The following NOL4 variants were observed in gnomAD, a reference collection of about 807,000 sequenced individuals.
NOL4 encodes cancer/testis antigen 125.
In NOL4, 17 loss-of-function variants were observed where a neutral mutation model predicts 75.9. The observed-to-expected ratio is 0.22, with a 90% confidence interval of 0.15 to 0.34. NOL4 has a LOEUF of 0.34. Among genes scored for constraint, NOL4 ranks in the 10% least tolerant of loss-of-function variants. The pLI is 1.00. For synonymous variants in NOL4, 292 were observed against 289.9 expected (o/e 1.01, Z -0.07); for missense variants, 614 against 793.5 (o/e 0.77, Z 2.72).
At chr18:34,098,724 T>C (rs540287649) in intron 4 of NOL4, among the ~76,000 whole-genome samples, 1 of 152,260 alleles carries the variant, frequency 6.6e-6, no homozygotes, top group South Asian at 2.1e-4. Flanking sequence ...AACAAATAGT[T>C]AATACTAATT....
chr18:34,014,935 C>T (rs896802010), intron 6 of NOL4, among the ~76,000 whole-genome samples: 1 of 151,932 alleles, frequency 6.6e-6, no homozygotes, highest in African/African-American at 2.4e-5. Context: ...ATTTTATTCA[C>T]AATAAAATTG....
Position 34,135,474 on chromosome 18 carries a change from G to A in NOL4, c.265-5454C>T, listed in dbSNP as rs138641607. Among the ~76,000 whole-genome samples the A allele has an allele frequency of 4.7e-3, 710 of 152,030 alleles. 5 individuals are homozygous for A. The highest frequency in any genetic ancestry group is 7.6e-3 in the Non-Finnish European group (519 of 67,976). On this transcript the variant is annotated intron_variant, in intron 1 of 10. Coordinates refer to ENST00000261592, the MANE Select transcript of NOL4 (RefSeq NM_003787.5). ...TGCTCTTTGGAGGCTGAGACGGGTG[G>A]ATCACGAGGTCAGAAGATCGAGATC...
chr18:33,940,969 T>G (rs1421308649), intron 9 of NOL4, among the ~76,000 whole-genome samples: 2 of 151,922 alleles, frequency 1.3e-5, no homozygotes, highest in Admixed American at 1.3e-4. Flanking sequence ...TGAAGTAAAT[T>G]TGAGCTCAAT....
chr18:34,109,058 A>C (rs893925115), intron 2 of NOL4, among the ~76,000 whole-genome samples: 5 of 152,200 alleles, frequency 3.3e-5, no homozygotes, highest in Non-Finnish European at 7.3e-5. Context: ...AAATTTACAA[A>C]TATGTGAAAA....
chr18:33,861,816 A>G (rs1172194620), intron 10 of NOL4, among the ~76,000 whole-genome samples: 2 of 152,146 alleles, frequency 1.3e-5, no homozygotes, highest in Non-Finnish European at 2.9e-5. Flanking sequence ...GGTAGGAAGA[A>G]TCAATATCAT....
intron 6 of NOL4, among the ~76,000 whole-genome samples, chr18:34,000,769 G>A (rs2073639830): frequency 6.6e-6 from 1 of 152,054 alleles, no homozygotes; most frequent in African/African-American, 2.4e-5. Context: ...TTAATTATGG[G>A]CAAAGGTTAT....
At chr18:34,215,593 G>A (rs1369577337) in intron 1 of NOL4, among the ~76,000 whole-genome samples, 1 of 152,148 alleles carries the variant, frequency 6.6e-6, no homozygotes, top group East Asian at 1.9e-4. Context: ...TCCATGGAGA[G>A]AGGGAATAAG....
chr18:33,974,123 A>G (rs1204356147), intron 6 of NOL4, among the ~76,000 whole-genome samples: 1 of 152,188 alleles, frequency 6.6e-6, no homozygotes, highest in Non-Finnish European at 1.5e-5. Context: ...GATCTTCTGG[A>G]TAACTTGCTG....
chr18:34,121,894 A>C (rs1386953687), intron 2 of NOL4, among the ~76,000 whole-genome samples: 1 of 152,164 alleles, frequency 6.6e-6, no homozygotes, highest in Admixed American at 6.6e-5. Context: ...TGGGATATCA[A>C]AAGGCCTGGA....
intron 8 of NOL4, among the ~76,000 whole-genome samples, chr18:33,950,594 A>T (rs1316772882): frequency 6.6e-6 from 1 of 152,162 alleles, no homozygotes; most frequent in African/African-American, 2.4e-5. Flanking sequence ...GTTAAGAAGC[A>T]TAGTACTCAA....
chr18:34,161,394 C>T (rs1443137901), intron 1 of NOL4, among the ~76,000 whole-genome samples: 1 of 152,132 alleles, frequency 6.6e-6, no homozygotes, highest in Non-Finnish European at 1.5e-5. Flanking sequence ...TCCATAATGG[C>T]TATACTAATT....
chr18:34,089,019 C>T (rs1251935406), intron 5 of NOL4, among the ~76,000 whole-genome samples: 1 of 151,896 alleles, frequency 6.6e-6, no homozygotes, highest in African/African-American at 2.4e-5. Flanking sequence ...ATCTATATAT[C>T]CAGATATGTA....
intron 8 of NOL4, among the ~76,000 whole-genome samples, chr18:33,945,934 C>A (rs776139167): frequency 6.6e-5 from 10 of 151,702 alleles, no homozygotes; most frequent in Non-Finnish European, 1.2e-4. Context: ...AGATCCAGAA[C>A]TCAGGTTTCG....
At chr18:34,111,659 C>A (rs2079594151) in intron 2 of NOL4, among the ~76,000 whole-genome samples, 1 of 152,012 alleles carries the variant, frequency 6.6e-6, no homozygotes, top group Non-Finnish European at 1.5e-5. Flanking sequence ...CCCAAACAGA[C>A]TAAGACATAG....
At position 34,010,838 on chromosome 18, in the gene NOL4, C is replaced by T. The variant is rs77084754; in HGVS notation, c.1056+8480G>A. Among the ~76,000 whole-genome samples the T allele has an allele frequency of 4.2e-3, 643 of 151,860 alleles. 2 individuals carry two copies. Among genetic ancestry groups the T allele is most frequent in the Non-Finnish European group, 7.1e-3 (480 of 67,832 alleles). On this transcript the variant is annotated intron_variant, in intron 6 of 10. Coordinates refer to ENST00000261592, the MANE Select transcript of NOL4 (RefSeq NM_003787.5). ...AGCATTTTTTCATATACCTGTTAGC[C>T]ATTTGTATGTCTTCATTTGGGAGAT...
At chr18:34,000,361 A>G (rs1285571592) in intron 6 of NOL4, among the ~76,000 whole-genome samples, 2 of 149,048 alleles carry the variant, frequency 1.3e-5, no homozygotes, top group Non-Finnish European at 2.9e-5. Flanking sequence ...ATGTTATACT[A>G]TACCACGATT....
intron 6 of NOL4, among the ~76,000 whole-genome samples, chr18:33,961,195 C>T (rs1289884655): frequency 2.6e-5 from 4 of 151,940 alleles, no homozygotes; most frequent in East Asian, 1.9e-4. Context: ...CAGGATGACA[C>T]GGTGTCCAGG....
At chr18:33,950,576 A>G (rs1035503022) in intron 8 of NOL4, among the ~76,000 whole-genome samples, 1 of 152,166 alleles carries the variant, frequency 6.6e-6, no homozygotes, top group South Asian at 2.1e-4. Context: ...TGATACAGAG[A>G]TGAACAAGTT....
At chr18:33,926,596 TTTTGTTTG>T (rs202135282) in intron 9 of NOL4, among the ~76,000 whole-genome samples, 2 of 151,906 alleles carry the variant, frequency 1.3e-5, no homozygotes, top group Non-Finnish European at 2.9e-5. Flanking sequence ...GAAATAAGAT[TTTTGTTTG>T]TTTGTTTGTT....
Sources: gnomAD v4.1 joint callset for allele counts (sites outside exome capture counted in the v4.1 genomes callset) on GRCh38, gnomAD v4.1.1 for gene constraint, MANE v1.5 for transcripts, NCBI Gene and HGNC (gene_info 2026-07-23, HGNC 2026-07-21) for gene names.